Variants in GRID2 observed in about 807,000 individuals in gnomAD.
GRID2 encodes glutamate receptor ionotropic, delta-2.
In GRID2, 33 loss-of-function variants were observed where a neutral mutation model predicts 114.8. The observed-to-expected ratio is 0.29, with a 90% CI of 0.22 to 0.38. The LOEUF (loss-of-function observed/expected upper bound fraction) is 0.38. GRID2 is among the 10% of genes least tolerant of loss of function. The pLI is 1.00. For missense variants in GRID2, 1,184 were observed against 1,257.7 expected (o/e 0.94, Z 0.89); for synonymous variants, 505 against 449.9 (o/e 1.12, Z -1.55).
intron 1 of GRID2, among the ~76,000 whole-genome samples, chr4:92,424,828 C>A (rs966213521): frequency 6.6e-6 from 1 of 151,196 alleles, no homozygotes; most frequent in Non-Finnish European, 1.5e-5. Flanking sequence ...AAAAATACTA[C>A]TTTTTATACT....
chr4:92,614,556 CTA>C (rs1380412934), intron 2 of GRID2, among the ~76,000 whole-genome samples: 1 of 151,352 alleles, frequency 6.6e-6, no homozygotes. Flanking sequence ...TGTTTTTTCC[CTA>C]TGTGACCAGA....
At chr4:92,832,851 T>C (rs1742212763) in intron 2 of GRID2, among the ~76,000 whole-genome samples, 3 of 152,204 alleles carry the variant, frequency 2.0e-5, no homozygotes, top group Admixed American at 1.3e-4. Context: ...ACTTTTTCTC[T>C]ATGCATCCAA....
At position 92,662,112 on chromosome 4, in the gene GRID2, C is replaced by G. The variant is rs143826529; in HGVS notation, c.244+71826C>G. On this transcript the variant is annotated intron_variant, in intron 2 of 15. Transcript: ENST00000282020. ...TGAAGCCCTAAGCCCTTCTCATCCT[C>G]ACACAGGTTTCCTTTCTGTGTATGA... Among the ~76,000 whole-genome samples, 918 of 151,140 alleles carry G rather than the reference C, an allele frequency of 6.1e-3. 4 individuals are homozygous for G. The highest frequency in any genetic ancestry group is 9.7e-3 in the Non-Finnish European group (651 of 67,284).
chr4:92,610,110 T>G (rs146431429), intron 2 of GRID2, among the ~76,000 whole-genome samples: 3 of 151,794 alleles, frequency 2.0e-5, no homozygotes, highest in African/African-American at 7.2e-5. Flanking sequence ...AGAGGGCCAA[T>G]GGAATGTGAA....
chr4:93,244,356 A>G (rs769499217), intron 8 of GRID2, among the ~76,000 whole-genome samples: 12 of 151,666 alleles, frequency 7.9e-5, no homozygotes, highest in Non-Finnish European at 1.8e-4. Context: ...TTTACCTCCT[A>G]GGTACAGTGG....
chr4:92,976,440 G>A (rs980849346), intron 2 of GRID2, among the ~76,000 whole-genome samples: 2 of 152,042 alleles, frequency 1.3e-5, no homozygotes, highest in African/African-American at 4.8e-5. Flanking sequence ...AATTGAACCT[G>A]TGCTGTGTGT....
At chr4:92,947,294 A>G (rs1751711252) in intron 2 of GRID2, among the ~76,000 whole-genome samples, 2 of 152,122 alleles carry the variant, frequency 1.3e-5, no homozygotes, top group African/African-American at 2.4e-5. Context: ...GTCTACCTGT[A>G]TGCCCAATAT....
intron 2 of GRID2, among the ~76,000 whole-genome samples, chr4:92,845,168 A>C (rs1743217341): frequency 6.6e-6 from 1 of 151,968 alleles, no homozygotes; most frequent in Admixed American, 6.6e-5. Flanking sequence ...CACATACCAC[A>C]CCCTGAAAAC....
At chr4:92,309,167 A>G (rs144374773) in intron 1 of GRID2, among the ~76,000 whole-genome samples, 1 of 152,174 alleles carries the variant, frequency 6.6e-6, no homozygotes, top group African/African-American at 2.4e-5. Context: ...TTAAAAAATA[A>G]AAGCCAATTG....
At chr4:92,526,217 A>T (rs192070524) in intron 1 of GRID2, among the ~76,000 whole-genome samples, 1 of 131,178 alleles carries the variant, frequency 7.6e-6, no homozygotes, top group Non-Finnish European at 1.8e-5. Flanking sequence ...AAGAAAATTC[A>T]TTAGATTTTT....
intron 1 of GRID2, among the ~76,000 whole-genome samples, chr4:92,449,764 C>T (rs1720807255): frequency 7.1e-6 from 1 of 141,734 alleles, no homozygotes; most frequent in South Asian, 2.3e-4. Context: ...TCTCTAGAAG[C>T]TTCATTAACT....
chr4:92,740,719 GATAGATA>G (rs1736844919), intron 2 of GRID2, among the ~76,000 whole-genome samples: 7 of 145,682 alleles, frequency 4.8e-5, no homozygotes, highest in Non-Finnish European at 7.5e-5. Context: ...TAGATAGATA[GATAGATA>G]GATAGATAGA....
chr4:93,322,926 T>A (rs1019998391), intron 8 of GRID2, among the ~76,000 whole-genome samples: 5 of 152,054 alleles, frequency 3.3e-5, no homozygotes, highest in Non-Finnish European at 5.9e-5. Context: ...GTTTGAGTTC[T>A]TTGTAGATTC....
At chr4:92,908,390 C>G (rs1748115031) in intron 2 of GRID2, among the ~76,000 whole-genome samples, 1 of 151,862 alleles carries the variant, frequency 6.6e-6, no homozygotes, top group Admixed American at 6.6e-5. Flanking sequence ...AATTAGAGTT[C>G]TTATTTTGTA....
At chr4:93,297,444 G>A (rs1048573504) in intron 8 of GRID2, among the ~76,000 whole-genome samples, 6 of 152,156 alleles carry the variant, frequency 3.9e-5, no homozygotes, top group African/African-American at 1.2e-4. Context: ...TAGTGTAGCA[G>A]CTTAAAAGAG....
At chr4:93,482,486 T>G (rs1725970075) in intron 11 of GRID2, among the ~76,000 whole-genome samples, 1 of 151,748 alleles carries the variant, frequency 6.6e-6, no homozygotes, top group Non-Finnish European at 1.5e-5. Flanking sequence ...AGTTGAAGAA[T>G]GAGAACACAT....
At chr4:92,502,694 C>T (rs1312204788) in intron 1 of GRID2, among the ~76,000 whole-genome samples, 1 of 143,588 alleles carries the variant, frequency 7.0e-6, no homozygotes, top group African/African-American at 2.6e-5. Flanking sequence ...TGAACTAATG[C>T]CATGTGATTT....
intron 2 of GRID2, among the ~76,000 whole-genome samples, chr4:92,968,443 A>G (rs78756721): frequency 0.013 from 2,038 of 151,984 alleles, 32 homozygotes; most frequent in Middle Eastern, 0.095. Flanking sequence ...AAGCCAAGCT[A>G]TTAGGCTACC....
intron 2 of GRID2, among the ~76,000 whole-genome samples, chr4:92,843,514 A>T (rs1304615899): frequency 6.6e-6 from 1 of 152,154 alleles, no homozygotes; most frequent in Non-Finnish European, 1.5e-5. Context: ...ATATTAAATT[A>T]TAAACCTGTT....
Sources: allele counts gnomAD v4.1 joint callset (sites outside exome capture counted in the v4.1 genomes callset), GRCh38; gene constraint gnomAD v4.1.1; transcripts MANE v1.5; gene names NCBI Gene and HGNC (gene_info 2026-07-23, HGNC 2026-07-21).